ZNF676: variants seen among roughly 807,000 people sequenced by gnomAD.
ZNF676 encodes zinc finger protein 676.
ZNF676 carries 4 observed loss-of-function variants against 6.0 expected under a neutral mutation model. The ratio of observed to expected loss-of-function variants is 0.67; its 90% CI spans 0.33 to 1.53. ZNF676 has a LOEUF of 1.53. Among genes scored for constraint, ZNF676 ranks in the 40% most tolerant of loss-of-function variants. The pLI is 0.06. For synonymous variants in ZNF676, 198 were observed against 223.1 expected, an observed-to-expected ratio of 0.89 and a Z score of 1.00; for missense variants, 644 against 679.7, an observed-to-expected ratio of 0.95 and a Z score of 0.58.
the ZNF676 span, among the ~76,000 whole-genome samples, chr19:22,247,120 G>T: frequency 6.6e-6 from 1 of 152,180 alleles, no homozygotes; most frequent in East Asian, 1.9e-4. Flanking sequence ...TGGGTAACTA[G>T]TGGGGTATAT....
At chr19:22,209,327 TAAAA>T (rs879800907) in intron 1 of ZNF676, among the ~76,000 whole-genome samples, 6 of 138,160 alleles carry the variant, frequency 4.3e-5, no homozygotes, top group Non-Finnish European at 7.9e-5. Context: ...GTGTGGCCAT[TAAAA>T]AAAAAAAAAA....
chr19:22,188,302 A>G (rs1048462396), intron 2 of ZNF676, among the ~76,000 whole-genome samples: 6 of 152,352 alleles, frequency 3.9e-5, no homozygotes, highest in South Asian at 2.1e-4. Context: ...GCTTTTGACA[A>G]AATTCAACAC....
At chr19:22,246,979 A>C in the ZNF676 span, among the ~76,000 whole-genome samples, 1,984 of 152,178 alleles carry the variant, frequency 0.013, 28 homozygotes, top group African/African-American at 0.044. Flanking sequence ...ACTGCATGGG[A>C]TCACCCTGAC....
At chr19:22,214,530 C>G (rs1227580180) in intron 1 of ZNF676, among the ~76,000 whole-genome samples, 10 of 142,226 alleles carry the variant, frequency 7.0e-5, no homozygotes, top group African/African-American at 2.4e-4. Flanking sequence ...ACCTGGGAGG[C>G]GGAGAGTCCA....
chr19:22,249,409 T>G, the ZNF676 span, among the ~76,000 whole-genome samples: 1 of 152,266 alleles, frequency 6.6e-6, no homozygotes, highest in East Asian at 1.9e-4. Context: ...CAGTTTTTTT[T>G]GTTTTTTCTT....
rs537891340 is a variant in ZNF676 at position 22,179,761 on chromosome 19, C to A, written c.*189G>T. The A allele has an allele frequency of 1.0e-5, 8 of 794,214 alleles. No homozygotes were observed. Among genetic ancestry groups the A allele is most frequent in the Non-Finnish European group, 1.7e-5 (8 of 459,662 alleles). 49.2% of individuals were successfully genotyped at this position (794,214 alleles called of 1,614,324 possible). Reference sequence around the variant, plus strand: ...CACAAGGTTTGAGGACCGGTTGAAGCCTTTGTCACATTCTTCACGTTTGTA... The same window carrying A: ...CACAAGGTTTGAGGACCGGTTGAAGACTTTGTCACATTCTTCACGTTTGTA... On this transcript the variant is annotated 3_prime_UTR_variant, in exon 3 of 3. Transcript: ENST00000397121.
At chr19:22,217,040 A>G (rs1226409695), upstream of ZNF676, among the ~76,000 whole-genome samples, 1 of 151,572 alleles carries the variant, frequency 6.6e-6, no homozygotes, top group Non-Finnish European at 1.5e-5. Context: ...GGGTACATGT[A>G]GTATTTGGTT....
At chr19:22,187,430 A>G (rs984443619) in intron 2 of ZNF676, among the ~76,000 whole-genome samples, 4 of 152,148 alleles carry the variant, frequency 2.6e-5, no homozygotes, top group African/African-American at 4.8e-5. Flanking sequence ...AAAGATCTAA[A>G]ATTGACAACT....
intron 1 of ZNF676, among the ~76,000 whole-genome samples, chr19:22,206,048 C>A (rs1420389373): frequency 5.5e-5 from 6 of 109,304 alleles, no homozygotes; most frequent in African/African-American, 2.3e-4. Flanking sequence ...TACATCCTCC[C>A]AAAACTCAAC....
chr19:22,206,892 A>C (rs2024082233), intron 1 of ZNF676, among the ~76,000 whole-genome samples: 1 of 152,190 alleles, frequency 6.6e-6, no homozygotes, highest in South Asian at 2.1e-4. Flanking sequence ...AATAAAATTT[A>C]ACATTTTTCA....
At chr19:22,222,443 T>C in the ZNF676 span, among the ~76,000 whole-genome samples, 2 of 152,204 alleles carry the variant, frequency 1.3e-5, no homozygotes, top group African/African-American at 4.8e-5. Flanking sequence ...ATATATAAGA[T>C]TAAATGATTT....
chr19:22,245,864 G>A, the ZNF676 span, among the ~76,000 whole-genome samples: 353 of 152,168 alleles, frequency 2.3e-3, 4 homozygotes, highest in African/African-American at 8.0e-3. Context: ...CTAGTTGCTG[G>A]GTTTGATGAT....
chr19:22,228,305 C>T, the ZNF676 span, among the ~76,000 whole-genome samples: 1 of 152,074 alleles, frequency 6.6e-6, no homozygotes, highest in Non-Finnish European at 1.5e-5. Flanking sequence ...AATTCAACAC[C>T]CCATTCATGC....
At chr19:22,230,604 G>GTA in the ZNF676 span, among the ~76,000 whole-genome samples, 1 of 150,614 alleles carries the variant, frequency 6.6e-6, no homozygotes, top group Non-Finnish European at 1.5e-5. Flanking sequence ...ATATATATGT[G>GTA]TATATATATG....
the ZNF676 span, among the ~76,000 whole-genome samples, chr19:22,220,992 C>T: frequency 6.6e-6 from 1 of 152,064 alleles, no homozygotes; most frequent in Non-Finnish European, 1.5e-5. Context: ...TACTAATAGT[C>T]TATCAGTTGG....
At chr19:22,249,645 C>T in the ZNF676 span, among the ~76,000 whole-genome samples, 1 of 152,064 alleles carries the variant, frequency 6.6e-6, no homozygotes, top group African/African-American at 2.4e-5. Flanking sequence ...CTCCTGACCT[C>T]AGGTGATCCA....
intron 2 of ZNF676, among the ~76,000 whole-genome samples, chr19:22,186,079 T>G (rs2023834909): frequency 6.6e-6 from 1 of 151,998 alleles, no homozygotes; most frequent in Admixed American, 6.6e-5. Context: ...GAGAGAATCG[T>G]CAGATTCACC....
At chr19:22,190,040 T>C (rs2023882606) in intron 2 of ZNF676, among the ~76,000 whole-genome samples, 1 of 152,178 alleles carries the variant, frequency 6.6e-6, no homozygotes. Context: ...CAAAAGTTTA[T>C]AAATCATTCT....
chr19:22,259,621 T>A, the ZNF676 span: 1 of 152,068 alleles, frequency 6.6e-6, no homozygotes, highest in African/African-American at 2.4e-5. Context: ...AATATTACAT[T>A]CTCTCCTATG....
Sources: gnomAD v4.1 joint callset for allele counts (sites outside exome capture counted in the v4.1 genomes callset) on GRCh38, gnomAD v4.1.1 for gene constraint, MANE v1.5 for transcripts, NCBI Gene and HGNC (gene_info 2026-07-23, HGNC 2026-07-21) for gene names.